Variants in ATP2B1 observed in about 807,000 individuals in gnomAD.
The protein encoded by ATP2B1 is plasma membrane calcium-transporting ATPase 1.
ATP2B1 carries 14 observed loss-of-function variants against 124.2 expected under a neutral mutation model. The observed-to-expected ratio is 0.11, with a 90% CI of 0.07 to 0.18. ATP2B1 has a LOEUF of 0.18. Among genes scored for constraint, ATP2B1 ranks in the 10% least tolerant of loss-of-function variants. ATP2B1 has a pLI of 1.00. For synonymous variants in ATP2B1, 449 were observed against 492.4 expected, an observed-to-expected ratio of 0.91 and a Z score of 1.17; for missense variants, 763 against 1,466.1, an observed-to-expected ratio of 0.52 and a Z score of 7.83.
At chr12:89,626,777 A>C (rs1452487218) in intron 7 of ATP2B1, among the ~76,000 whole-genome samples, 162 bp from the exon 8 acceptor site, 1 of 152,210 alleles carries the variant, frequency 6.6e-6, no homozygotes, top group Non-Finnish European at 1.5e-5. Context: ...AAAATAAGAC[A>C]ATAGTGACGT....
rs1882430036 is a variant in ATP2B1, at chr12:89,634,787, G to A, written c.778C>T (p.Leu260Phe). Residue 260 changes from leucine (L) to phenylalanine (F), a missense_variant, in exon 5 of 21, where the codon CTT becomes TTT. Leu to Phe is a conservative substitution (Grantham distance 22). Around this residue, in one of 7 missense-constraint regions of ATP2B1, gnomAD observed 392 missense variants for 776.6 expected, o/e 0.50. Coordinates refer to ENST00000428670, the MANE Select transcript of ATP2B1 (RefSeq NM_001366521.1). ...VKKSLDKDPL[L>F]LSGTHVMEGS... ...TAAATGAAATTTTTACCTGATAGAA[G>A]TAAGGGATCCTTATCTAAAGACTTT... 1 of 1,593,766 alleles carries A rather than the reference G, an allele frequency of 6.3e-7. No homozygotes were observed. The highest frequency in any genetic ancestry group is 1.4e-5 in the African/African-American group (1 of 73,600).
At chr12:89,635,279 C>CA (rs747816012) in intron 3 of ATP2B1, 28 bp from the exon 4 acceptor site, 2 of 1,596,942 alleles carry the variant, frequency 1.3e-6, no homozygotes, top group Non-Finnish European at 1.7e-6. Flanking sequence ...AAATGCTTAT[C>CA]AAAAAGATTC....
rs11105371 is a variant in ATP2B1, at chr12:89,689,510, T to A, written c.-222+19086A>T. On this transcript the variant is annotated intron_variant, in intron 1 of 20. Transcript: ENST00000428670. Reference sequence around the variant, plus strand: ...ATTGGAAATGAACTGTAAAATGGCGTTTCCATCTGGCCTGCCTTTCTGGCC... The same window carrying A: ...ATTGGAAATGAACTGTAAAATGGCGATTCCATCTGGCCTGCCTTTCTGGCC... 8.3e-3 allele frequency among the ~76,000 whole-genome samples: 1,257 copies of A among 152,220 alleles called. 16 individuals carry two copies. The highest frequency in any genetic ancestry group is 0.029 in the African/African-American group (1,205 of 41,536).
chr12:89,621,518 T>G (rs1879966998), intron 10 of ATP2B1, 31 bp downstream of exon 10: 1 of 1,423,924 alleles, frequency 7.0e-7, no homozygotes, highest in Non-Finnish European at 9.4e-7. Flanking sequence ...ATTTAAAAAT[T>G]AATTTTCATA....
At chr12:89,632,394 T>C (rs1337638501) in intron 5 of ATP2B1, among the ~76,000 whole-genome samples, 2 of 152,216 alleles carry the variant, frequency 1.3e-5, no homozygotes, top group Non-Finnish European at 2.9e-5. Flanking sequence ...AAAATCCATA[T>C]TGATTATTTC....
intron 15 of ATP2B1, among the ~76,000 whole-genome samples, chr12:89,607,870 C>T (rs912591388): frequency 4.6e-5 from 7 of 152,172 alleles, no homozygotes; most frequent in South Asian, 4.2e-4. Flanking sequence ...GTTGATTCTG[C>T]GGATGCAGAA....
chr12:89,674,336 C>A, intron 1 of ATP2B1, among the ~76,000 whole-genome samples: 1 of 146,118 alleles, frequency 6.8e-6, no homozygotes. Flanking sequence ...AAAGCAGTGT[C>A]TGATTAGAGC....
chr12:89,681,846 A>G (rs1294503099), intron 1 of ATP2B1, among the ~76,000 whole-genome samples: 1 of 152,192 alleles, frequency 6.6e-6, no homozygotes, highest in Non-Finnish European at 1.5e-5. Flanking sequence ...GAGGCATTTA[A>G]TATACAAGGC....
chr12:89,616,329 A>G (rs1878961190), intron 12 of ATP2B1, among the ~76,000 whole-genome samples: 1 of 152,170 alleles, frequency 6.6e-6, no homozygotes, highest in Admixed American at 6.6e-5. Context: ...AGATATTTTA[A>G]TTTGAATTAA....
chr12:89,637,056 T>C (rs558186501), intron 3 of ATP2B1, among the ~76,000 whole-genome samples: 14 of 152,162 alleles, frequency 9.2e-5, no homozygotes, highest in Non-Finnish European at 1.9e-4. Flanking sequence ...TGCTGACCAC[T>C]TTCACCAACT....
At chr12:89,652,764 G>A (rs1460200861) in intron 2 of ATP2B1, among the ~76,000 whole-genome samples, 3 of 152,068 alleles carry the variant, frequency 2.0e-5, no homozygotes, top group Non-Finnish European at 4.4e-5. Flanking sequence ...TTGAGACAGG[G>A]TCTCCCTCTG....
intron 1 of ATP2B1, among the ~76,000 whole-genome samples, chr12:89,700,012 A>AT (rs34709694): frequency 0.23 from 30,526 of 133,260 alleles, 4,312 homozygotes; most frequent in Non-Finnish European, 0.32. Flanking sequence ...GCCTGGCTAA[A>AT]TTTTTTTTTT....
chr12:89,678,032 G>A (rs1888894536), intron 1 of ATP2B1, among the ~76,000 whole-genome samples: 1 of 125,116 alleles, frequency 8.0e-6, no homozygotes, highest in African/African-American at 3.2e-5. Context: ...ACAGAATGGA[G>A]AAATCATTTA....
In ATP2B1 at chr12:89,590,659, T is replaced by C. The variant is rs1051388369; in HGVS notation, c.*325A>G. 7.4e-5 allele frequency: 14 copies of C among 189,510 alleles called. No individual in the cohort carries two copies. Among genetic ancestry groups the C allele is most frequent in the South Asian group, 1.4e-4 (1 of 7,374 alleles). 11.7% of individuals were successfully genotyped at this position (189,510 alleles called of 1,614,324 possible). A position where few individuals can be genotyped will look rare whatever the true frequency, so the allele number is the denominator to read the frequency against. ...GCCCAGTTTTACTCCTCCCTCTCTC[T>C]CCCATCCAGGACTGAGATAAACTAA... On this transcript the variant is annotated 3_prime_UTR_variant, in exon 21 of 21. Coordinates refer to ENST00000428670, the MANE Select transcript of ATP2B1 (RefSeq NM_001366521.1).
chr12:89,699,386 T>C (rs1199748917), intron 1 of ATP2B1, among the ~76,000 whole-genome samples: 1 of 152,230 alleles, frequency 6.6e-6, no homozygotes, highest in East Asian at 1.9e-4. Flanking sequence ...TTTATCTTCA[T>C]AAATCAAACA....
intron 18 of ATP2B1, 104 bp downstream of exon 18, chr12:89,602,939 A>G: frequency 1.0e-6 from 1 of 973,714 alleles, no homozygotes; most frequent in Non-Finnish European, 1.6e-6. Context: ...CACCAAGGCA[A>G]CAGTTCCACA....
intron 2 of ATP2B1, among the ~76,000 whole-genome samples, chr12:89,651,351 G>A (rs1387439834): frequency 2.0e-5 from 3 of 150,568 alleles, no homozygotes; most frequent in African/African-American, 4.9e-5. Context: ...TGACTCAGGC[G>A]ATCCTCCCAC....
At position 89,609,932 on chromosome 12, in the gene ATP2B1, C is replaced by G; in HGVS notation, c.2442+5G>C. On this transcript the variant is annotated splice_donor_5th_base_variant and intron_variant, in intron 15 of 20. Transcript: ENST00000428670. ...GTTTGGATATTTGAATGAGTAAATTCTTACCATTGCAAATCCAACATCTGC... is the reference window on the plus strand; with the variant it reads ...GTTTGGATATTTGAATGAGTAAATTGTTACCATTGCAAATCCAACATCTGC... 1.9e-6 allele frequency: 3 copies of G among 1,610,868 alleles called. No individual in the cohort carries two copies. The highest frequency in any genetic ancestry group is 2.5e-6 in the Non-Finnish European group (3 of 1,178,004).
chr12:89,666,862 C>A (rs1303168816), intron 1 of ATP2B1, among the ~76,000 whole-genome samples: 1 of 152,174 alleles, frequency 6.6e-6, no homozygotes, highest in Non-Finnish European at 1.5e-5. Context: ...TTGATTGCCA[C>A]TGCAAGCTAC....
Sources: allele counts gnomAD v4.1 joint callset (sites outside exome capture counted in the v4.1 genomes callset), GRCh38; gene constraint gnomAD v4.1.1; regional missense constraint gnomAD v4.1.1; transcripts MANE v1.5; gene names NCBI Gene and HGNC (gene_info 2026-07-23, HGNC 2026-07-21).